Variants in EIF3B observed in about 807,000 individuals in gnomAD.
The protein encoded by EIF3B is eukaryotic translation initiation factor 3 subunit 9.
A neutral mutation model predicts 104.6 loss-of-function variants in EIF3B; 10 were observed. The observed-to-expected ratio is 0.10, with a 90% confidence interval of 0.06 to 0.16. The LOEUF is 0.16. EIF3B is among the 10% of genes least tolerant of loss of function. The pLI is 1.00. For missense variants in EIF3B, 1,014 were observed against 1,087.9 expected, an observed-to-expected ratio of 0.93 and a Z score of 0.96; for synonymous variants, 542 against 417.2, an observed-to-expected ratio of 1.30 and a Z score of -3.65.
chr7:2,376,489 G>C (rs923331974), intron 14 of EIF3B: 2 of 153,212 alleles, frequency 1.3e-5, no homozygotes, highest in Non-Finnish European at 2.9e-5. Context: ...TGAGGAGAGC[G>C]GAACTAGGCG....
At chr7:2,357,269 C>T (rs1003178806) in intron 1 of EIF3B, among the ~76,000 whole-genome samples, 5 of 152,086 alleles carry the variant, frequency 3.3e-5, no homozygotes, top group Admixed American at 3.3e-4. Context: ...GGGTCCTCAG[C>T]GGGCCCACGT....
In EIF3B at chr7:2,378,933, G is replaced by A. The variant is rs917681701; in HGVS notation, c.2232+167G>A. The A allele has an allele frequency of 4.1e-5, 31 of 759,840 alleles. No individual in the cohort carries two copies. The South Asian group carries it at 4.3e-4, about 11-fold the overall frequency. 47.1% of individuals were successfully genotyped at this position (759,840 alleles called of 1,614,324 possible). The stretch of plus-strand genomic sequence containing the variant: ...CACTGGGGAACTGGGGTTGGCACGG[G>A]GACTTGGAGTTGGTGACCTCACTGC... On this transcript the variant is annotated intron_variant, in intron 16 of 18. Coordinates refer to ENST00000360876, the MANE Select transcript of EIF3B (RefSeq NM_001037283.2).
chr7:2,369,381 A>G (rs538216606), intron 9 of EIF3B, 91 bp from the exon 10 acceptor site: 237 of 1,350,608 alleles, frequency 1.8e-4, no homozygotes, highest in Non-Finnish European at 2.0e-4. Context: ...TTGAGCTTCT[A>G]TATAGCAAAT....
intron 4 of EIF3B, 70 bp from the exon 5 acceptor site, chr7:2,363,562 G>A: frequency 1.4e-6 from 2 of 1,411,400 alleles, no homozygotes; most frequent in Admixed American, 2.1e-5. Flanking sequence ...ATATCTTTAA[G>A]AGCAATAGTT....
rs1780930855 is a variant in EIF3B at position 2,380,290 on chromosome 7, G to A, written c.*101G>A. ...TTCCTCTGTTGCAGCGCAGCCGTGTGTGCTGTGGAGCCGAGGCCGTCCTGC... is the reference window on the plus strand; with the variant it reads ...TTCCTCTGTTGCAGCGCAGCCGTGTATGCTGTGGAGCCGAGGCCGTCCTGC... On this transcript the variant is annotated 3_prime_UTR_variant, in exon 19 of 19. Transcript: ENST00000360876. 1 of 513,616 alleles carries A rather than the reference G, an allele frequency of 1.9e-6. No homozygotes were observed. The highest frequency in any genetic ancestry group is 1.4e-5 in the South Asian group (1 of 70,600). 31.8% of individuals were successfully genotyped at this position (513,616 alleles called of 1,614,324 possible). A position where few individuals can be genotyped will look rare whatever the true frequency, so the allele number is the denominator to read the frequency against.
At chr7:2,370,059 G>A (rs1780242198) in intron 10 of EIF3B, among the ~76,000 whole-genome samples, 1 of 152,134 alleles carries the variant, frequency 6.6e-6, no homozygotes, top group Admixed American at 6.6e-5. Flanking sequence ...TTACAGGCGT[G>A]AGCCACCGTG....
intron 6 of EIF3B, 79 bp from the exon 7 acceptor site, chr7:2,366,238 G>T: frequency 6.9e-7 from 1 of 1,454,080 alleles, no homozygotes; most frequent in Non-Finnish European, 9.2e-7. Flanking sequence ...GAGTTCTGAC[G>T]GCGTGTTCTG....
At chr7:2,371,156 G>T (rs571060276) in intron 10 of EIF3B, among the ~76,000 whole-genome samples, 16 of 152,362 alleles carry the variant, frequency 1.1e-4, no homozygotes, top group African/African-American at 3.6e-4. Flanking sequence ...CATCACGAAT[G>T]TCTATGATTT....
At chr7:2,375,714 G>T (rs190801204) in intron 14 of EIF3B, among the ~76,000 whole-genome samples, 187 bp downstream of exon 14, 42 of 152,324 alleles carry the variant, frequency 2.8e-4, no homozygotes, top group Middle Eastern at 3.4e-3. Context: ...GGCGCCGAGT[G>T]CAGGAGCAGC....
intron 3 of EIF3B, 105 bp downstream of exon 3, chr7:2,362,869 A>G: frequency 6.5e-7 from 1 of 1,544,446 alleles, no homozygotes; most frequent in Non-Finnish European, 8.8e-7. Flanking sequence ...CAGATTGTTC[A>G]CATCCTTTCT....
chr7:2,364,856 T>C (rs975237599), intron 6 of EIF3B, among the ~76,000 whole-genome samples: 1 of 152,242 alleles, frequency 6.6e-6, no homozygotes, highest in Admixed American at 6.5e-5. Context: ...CATTTAATAC[T>C]TCAATGTATT....
rs1214737662 is a variant in EIF3B, at chr7:2,355,128, G to T, written c.207G>T (p.Glu69Asp). 7.1e-6 allele frequency: 10 copies of T among 1,404,206 alleles called. No individual in the cohort carries two copies. The East Asian group carries it at 2.7e-4, about 38-fold the overall frequency. The allele number at this position is 1,404,206 out of a possible 1,614,324, so 87.0% of individuals were successfully genotyped here. The change falls in exon 1 of 19, where the codon GAG becomes GAT. Residue 69 changes from glutamate (E) to aspartate (D), a missense_variant. By Grantham distance (45) the Glu-to-Asp change is conservative. Around this residue, in one of 4 missense-constraint regions of EIF3B, gnomAD observed 488 missense variants for 404.3 expected, o/e 1.21. Coordinates refer to ENST00000360876, the MANE Select transcript of EIF3B (RefSeq NM_001037283.2). ...GGCCGGAGTCCGAGGTGAGGACCGA[G>T]CCGGCGGCCGAGGCAGAGGCGGCCT... ...EAGPESEVRT[E>D]PAAEAEAASG...
chr7:2,378,885 T>C (rs1446889134), intron 16 of EIF3B, 119 bp downstream of exon 16: 42 of 948,628 alleles, frequency 4.4e-5, no homozygotes, highest in Non-Finnish European at 6.1e-5. Flanking sequence ...AGACACTGGT[T>C]CTGTTCCCCC....
chr7:2,372,934 C>A, intron 12 of EIF3B, 139 bp downstream of exon 12: 1 of 881,574 alleles, frequency 1.1e-6, no homozygotes. Context: ...GGTGTGGCCT[C>A]GGCTGATGGA....
chr7:2,362,859 C>T (rs1035345451), intron 3 of EIF3B, 95 bp downstream of exon 3: 3 of 1,559,820 alleles, frequency 1.9e-6, no homozygotes, highest in Middle Eastern at 1.7e-4. Flanking sequence ...TGGTGTCTGT[C>T]AGATTGTTCA....
At chr7:2,358,115 G>A (rs1462452446) in intron 1 of EIF3B, among the ~76,000 whole-genome samples, 1 of 149,702 alleles carries the variant, frequency 6.7e-6, no homozygotes, top group Non-Finnish European at 1.5e-5. Flanking sequence ...TTTTTTTTGA[G>A]ACAGAGTCTC....
intron 9 of EIF3B, among the ~76,000 whole-genome samples, chr7:2,367,602 TGGGAC>T (rs1742328496): frequency 6.6e-6 from 1 of 151,422 alleles, no homozygotes; most frequent in Admixed American, 6.6e-5. Flanking sequence ...CCCGAGTAGC[TGGGAC>T]TACAGGCATG....
At chr7:2,376,847 C>A in intron 14 of EIF3B, 103 bp from the exon 15 acceptor site, 1 of 1,497,724 alleles carries the variant, frequency 6.7e-7, no homozygotes, top group African/African-American at 1.4e-5. Context: ...TTGTTTGCTT[C>A]ACACGTGTCC....
intron 6 of EIF3B, among the ~76,000 whole-genome samples, chr7:2,365,667 GTTTGTT>G (rs1562481813): frequency 2.8e-5 from 3 of 107,850 alleles, no homozygotes; most frequent in African/African-American, 6.1e-5. Context: ...TTGTTTGTTT[GTTTGTT>G]TGTTTTGTTT....
Sources: allele counts gnomAD v4.1 joint callset (sites outside exome capture counted in the v4.1 genomes callset), GRCh38; gene constraint gnomAD v4.1.1; regional missense constraint gnomAD v4.1.1; transcripts MANE v1.5; gene names NCBI Gene and HGNC (gene_info 2026-07-23, HGNC 2026-07-21).